PIGN: variants seen among roughly 807,000 people sequenced by gnomAD.
PIGN encodes the protein phosphatidylinositol glycan anchor biosynthesis class N.
PIGN carries 117 observed loss-of-function variants against 125.4 expected under a neutral mutation model. That is an observed-to-expected ratio of 0.93 (90% CI 0.80 to 1.09). PIGN has a LOEUF of 1.09. PIGN is among the 50% of genes least tolerant of loss of function. The probability of loss-of-function intolerance (pLI) is 0.00; values close to 1 mark genes in which losing one functional copy is unlikely to be tolerated. For synonymous variants in PIGN, 392 were observed against 377.8 expected (o/e 1.04, Z -0.44); for missense variants, 1,075 against 1,094.9 (o/e 0.98, Z 0.26).
intron 30 of PIGN, among the ~76,000 whole-genome samples, chr18:62,058,517 T>TA (rs1170086812): frequency 6.6e-6 from 1 of 152,230 alleles, no homozygotes; most frequent in South Asian, 2.1e-4. Flanking sequence ...CTCATGAGAC[T>TA]AACTTTCATA....
chr18:62,157,324 G>A (rs1179227681), intron 5 of PIGN, 97 bp from the exon 6 acceptor site: 2 of 596,218 alleles, frequency 3.4e-6, no homozygotes, highest in African/African-American at 3.7e-5. Flanking sequence ...ATTAGTCAGT[G>A]AATAAATGCA....
intron 23 of PIGN, among the ~76,000 whole-genome samples, chr18:62,026,009 C>G (rs1599375340): frequency 2.6e-5 from 4 of 152,180 alleles, no homozygotes; most frequent in Admixed American, 2.6e-4. Context: ...TCTACCCAAT[C>G]CCTGCACCTT....
In PIGN at chr18:62,172,598, T is replaced by C. The variant is rs569517175; in HGVS notation, c.-235-8942A>G. Among the ~76,000 whole-genome samples, 5 of 152,234 alleles carry C rather than the reference T, an allele frequency of 3.3e-5. No homozygotes were observed. The East Asian group carries it at 9.6e-4, about 29-fold the overall frequency. ...AAATGTGCATTTGTAAATGCAAATG[T>C]ATATTTGTAAATTGTAAATGTAAAT... is the stretch of plus-strand genomic sequence containing the variant. On this transcript the variant is annotated intron_variant, in intron 1 of 30. Transcript: ENST00000640252.
intron 14 of PIGN, chr18:62,136,228 ATATGAT>A (rs1479465447): frequency 6.6e-6 from 1 of 152,236 alleles, no homozygotes; most frequent in Non-Finnish European, 1.5e-5. Context: ...AATCAATTTT[ATATGAT>A]TATAACTTGC....
chr18:62,057,016 C>A (rs1024731455), intron 30 of PIGN, among the ~76,000 whole-genome samples: 1 of 152,196 alleles, frequency 6.6e-6, no homozygotes, highest in East Asian at 1.9e-4. Flanking sequence ...CTGCACCCTT[C>A]ACCCCATCCG....
intron 4 of PIGN, among the ~76,000 whole-genome samples, chr18:62,159,590 G>A (rs973108362): frequency 4.6e-5 from 7 of 152,012 alleles, no homozygotes; most frequent in African/African-American, 1.4e-4. Context: ...CACAATGTTC[G>A]TCTATTGACT....
chr18:62,071,797 A>G (rs1484618542), intron 30 of PIGN, among the ~76,000 whole-genome samples: 2 of 148,204 alleles, frequency 1.3e-5, no homozygotes, highest in African/African-American at 5.0e-5. Context: ...ACAATAAACA[A>G]CTGTTACCAG....
chr18:62,029,254 A>G (rs1376442478), intron 23 of PIGN, among the ~76,000 whole-genome samples: 1 of 152,214 alleles, frequency 6.6e-6, no homozygotes, highest in Non-Finnish European at 1.5e-5. Context: ...AAACTGATCC[A>G]GAGAACCATT....
chr18:62,060,314 G>A (rs560446037), intron 30 of PIGN, among the ~76,000 whole-genome samples: 9 of 152,302 alleles, frequency 5.9e-5, no homozygotes, highest in East Asian at 3.9e-4. Context: ...TGTGATGGTC[G>A]AGGGGAAGAG....
At chr18:62,150,132 C>G (rs1206330104) in intron 7 of PIGN, among the ~76,000 whole-genome samples, 4 of 152,100 alleles carry the variant, frequency 2.6e-5, no homozygotes, top group African/African-American at 9.7e-5. Context: ...CAGACATGCA[C>G]CACCATGCTC....
intron 7 of PIGN, among the ~76,000 whole-genome samples, chr18:62,152,069 G>A (rs1183070251): frequency 6.6e-6 from 1 of 151,960 alleles, no homozygotes; most frequent in Non-Finnish European, 1.5e-5. Context: ...TATATTTAAG[G>A]AATACATTGG....
intron 14 of PIGN, among the ~76,000 whole-genome samples, chr18:62,117,397 C>T (rs1452606180): frequency 2.0e-5 from 3 of 151,580 alleles, no homozygotes; most frequent in Non-Finnish European, 4.4e-5. Flanking sequence ...TAAAGGAATG[C>T]CATATGTGAA....
chr18:62,144,939 C>A (rs2036264193), intron 10 of PIGN, among the ~76,000 whole-genome samples: 1 of 146,274 alleles, frequency 6.8e-6, no homozygotes. Flanking sequence ...AACCTGTGAA[C>A]AGCTACTACA....
chr18:62,173,810 A>G (rs1389397385), intron 1 of PIGN, among the ~76,000 whole-genome samples: 5 of 152,230 alleles, frequency 3.3e-5, no homozygotes, highest in African/African-American at 7.2e-5. Context: ...AATTCTGCCA[A>G]TTCAACCACC....
intron 14 of PIGN, among the ~76,000 whole-genome samples, chr18:62,125,836 ATAAC>A (rs1317365610): frequency 2.0e-5 from 3 of 152,242 alleles, no homozygotes; most frequent in African/African-American, 4.8e-5. Flanking sequence ...TAAAACTAGA[ATAAC>A]TAAATATTTT....
At chr18:62,186,728 C>G (rs1425264697) in intron 1 of PIGN, 116 bp downstream of exon 1, 2 of 152,270 alleles carry the variant, frequency 1.3e-5, no homozygotes, top group African/African-American at 4.8e-5. Context: ...CAAAATGTCA[C>G]CACTGGCAGC....
intron 14 of PIGN, 118 bp downstream of exon 14, chr18:62,138,120 TTACAC>T (rs2036000731): frequency 7.6e-7 from 1 of 1,319,370 alleles, no homozygotes; most frequent in Non-Finnish European, 1.0e-6. Context: ...AATTTGGAGT[TTACAC>T]TAATGTATAT....
intron 25 of PIGN, among the ~76,000 whole-genome samples, chr18:62,086,948 A>C (rs1327108658): frequency 1.3e-5 from 2 of 152,108 alleles, no homozygotes; most frequent in African/African-American, 2.4e-5. Flanking sequence ...AAATGAGATA[A>C]GGCCTGCCAG....
At position 62,143,329 on chromosome 18, in the gene PIGN, A is replaced by G; in HGVS notation, c.940T>C (p.Trp314Arg). ...ACCTGATTGACATCTAGCCTCTTCC[A>G]ATTCTCCAATCTCCACTCTGAAAGA... Reference protein sequence around the residue: ...AFLKEWRLENWKRLDVNQADI... With the variant: ...AFLKEWRLENRKRLDVNQADI... The change falls in exon 11 of 31, where the codon TGG becomes CGG. Residue 314 changes from tryptophan (W) to arginine (R), a missense_variant. Physicochemically the swap from Trp to Arg is moderately radical, Grantham distance 101 (BLOSUM62 -3). Coordinates refer to ENST00000640252, the MANE Select transcript of PIGN (RefSeq NM_176787.5). 1 of 1,530,716 alleles carries G rather than the reference A, an allele frequency of 6.5e-7. No homozygotes were observed. The highest frequency in any genetic ancestry group is 9.0e-7 in the Non-Finnish European group (1 of 1,115,620). 94.8% of individuals were successfully genotyped at this position (1,530,716 alleles called of 1,614,324 possible). A position where few individuals can be genotyped will look rare whatever the true frequency, so the allele number is the denominator to read the frequency against.
Sources: allele counts gnomAD v4.1 joint callset (sites outside exome capture counted in the v4.1 genomes callset), GRCh38; gene constraint gnomAD v4.1.1; transcripts MANE v1.5; gene names NCBI Gene and HGNC (gene_info 2026-07-23, HGNC 2026-07-21).